Variants in SNX14 observed in about 807,000 individuals in gnomAD.
SNX14 encodes sorting nexin-14.
A neutral mutation model predicts 133.8 loss-of-function variants in SNX14; 93 were observed. The observed-to-expected ratio is 0.70, with a 90% CI of 0.59 to 0.83. The LOEUF is 0.83. SNX14 is among the 40% of genes least tolerant of loss of function. The pLI is 0.00. For synonymous variants in SNX14, 368 were observed against 365.6 expected (o/e 1.01, Z -0.07); for missense variants, 945 against 1,094.9 (o/e 0.86, Z 1.93).
intron 16 of SNX14, among the ~76,000 whole-genome samples, chr6:85,537,251 T>C (rs1782253822): frequency 6.6e-6 from 1 of 152,178 alleles, no homozygotes; most frequent in East Asian, 1.9e-4. Context: ...TGGAATATAG[T>C]TCTTATTGCA....
chr6:85,551,513 T>C lies in SNX14; in HGVS notation c.635-1634A>G, dbSNP rs117212852. Among the ~76,000 whole-genome samples the C allele has an allele frequency of 4.8e-3, 736 of 152,330 alleles. 1 individual carries two copies. The highest frequency in any genetic ancestry group is 8.0e-3 in the Non-Finnish European group (547 of 68,018). ...CTGTATCAACCAATCAGAACTCAGC[T>C]GCACTGACCAATCAGATTTTAATCC... On this transcript the variant is annotated intron_variant, in intron 7 of 28. Coordinates refer to ENST00000314673, the MANE Select transcript of SNX14 (RefSeq NM_153816.6).
chr6:85,510,374 T>A (rs931503166), intron 26 of SNX14, among the ~76,000 whole-genome samples: 3 of 152,248 alleles, frequency 2.0e-5, no homozygotes, highest in African/African-American at 7.2e-5. Flanking sequence ...ATTTCCTTGA[T>A]GACATATGAT....
At chr6:85,522,336 C>G (rs1156365755) in intron 21 of SNX14, among the ~76,000 whole-genome samples, 1 of 152,154 alleles carries the variant, frequency 6.6e-6, no homozygotes, top group Non-Finnish European at 1.5e-5. Flanking sequence ...CCTTGTTCTT[C>G]TTCTAAAGTG....
chr6:85,522,774 C>T (rs773161268), intron 21 of SNX14, among the ~76,000 whole-genome samples: 14 of 152,166 alleles, frequency 9.2e-5, no homozygotes, highest in Non-Finnish European at 1.9e-4. Context: ...ATGACACATT[C>T]GGCCATAACT....
At chr6:85,580,357 T>C (rs1798655849) in intron 1 of SNX14, among the ~76,000 whole-genome samples, 1 of 152,158 alleles carries the variant, frequency 6.6e-6, no homozygotes, top group Admixed American at 6.5e-5. Context: ...ATTCACACAG[T>C]AGGTCTTGGG....
In SNX14 at chr6:85,547,124, A is replaced by C. The variant is rs1316182876; in HGVS notation, c.1096T>G (p.Cys366Gly). Residue 366 changes from cysteine to glycine, a missense_variant, in exon 12 of 29, where the codon TGT (cysteine) becomes GGT (glycine). Cys to Gly is a radical substitution (Grantham distance 159). This residue lies in a region of SNX14 where 514 missense variants were observed against 538.8 expected (regional missense o/e 0.95). Transcript: ENST00000314673. The stretch of plus-strand genomic sequence containing the variant: ...AGGTAAGCCTCACCCACAGTCAAAC[A>C]AAACTGCAACACGTGCACTGCGCCT... Reference protein sequence around the residue: ...QEGAVHVLQFCLTVEEFNDRI... With the variant: ...QEGAVHVLQFGLTVEEFNDRI... 6.2e-7 allele frequency: 1 copy of C among 1,613,308 alleles called. No homozygotes were observed. The highest frequency in any genetic ancestry group is 1.7e-5 in the Admixed American group (1 of 59,786).
chr6:85,574,306 A>G lies in SNX14; in HGVS notation c.213T>C (p.Pro71=). 1 of 1,596,202 alleles carries G rather than the reference A, an allele frequency of 6.3e-7. No homozygotes were observed. The highest frequency in any genetic ancestry group is 1.3e-5 in the African/African-American group (1 of 74,748). Residue 71 remains proline, a synonymous_variant, in exon 2 of 29, where the codon CCT becomes CCC. Transcript: ENST00000314673. ...GVVTFYCSLG[P]DSLLPNIFFT... ...AGAATATATTTGGTAAGAGAGAATCAGGTCCTAGTGAGCAGTAGAATGTGA... is the reference window on the plus strand; with the variant it reads ...AGAATATATTTGGTAAGAGAGAATCGGGTCCTAGTGAGCAGTAGAATGTGA...
chr6:85,543,469 TAAAGC>T, intron 13 of SNX14, 131 bp downstream of exon 13: 1 of 1,072,638 alleles, frequency 9.3e-7, no homozygotes, highest in African/African-American at 1.6e-5. Context: ...GTTTTTTCTT[TAAAGC>T]TTTCATCTCA....
At chr6:85,517,963 TTTATGA>T in intron 22 of SNX14, 39 bp downstream of exon 22, 1 of 1,580,466 alleles carries the variant, frequency 6.3e-7, no homozygotes, top group South Asian at 1.2e-5. Context: ...TTTAAATATG[TTTATGA>T]TTATCATGTT....
chr6:85,554,425 C>G (rs557072157), intron 7 of SNX14, among the ~76,000 whole-genome samples: 9 of 152,042 alleles, frequency 5.9e-5, no homozygotes, highest in Non-Finnish European at 1.3e-4. Flanking sequence ...AATGCCAAGA[C>G]AGTAAAGACA....
intron 12 of SNX14, among the ~76,000 whole-genome samples, chr6:85,546,517 G>A (rs1252590678): frequency 6.6e-6 from 1 of 151,890 alleles, no homozygotes; most frequent in Non-Finnish European, 1.5e-5. Context: ...ATTGACATGG[G>A]CTACAGTTTG....
At chr6:85,562,471 T>C (rs1388094504) in intron 6 of SNX14, among the ~76,000 whole-genome samples, 1 of 152,140 alleles carries the variant, frequency 6.6e-6, no homozygotes, top group Admixed American at 6.5e-5. Context: ...ATTCTGTAAT[T>C]AGGATGTATT....
chr6:85,571,379 C>T (rs1252665175), intron 4 of SNX14, among the ~76,000 whole-genome samples: 1 of 149,230 alleles, frequency 6.7e-6, no homozygotes, highest in East Asian at 1.9e-4. Flanking sequence ...AAAAAAAGGC[C>T]TTAGAGAGGC....
chr6:85,543,837 T>C (rs1023723113), intron 12 of SNX14, 77 bp from the exon 13 acceptor site: 2 of 848,724 alleles, frequency 2.4e-6, no homozygotes, highest in African/African-American at 1.8e-5. Flanking sequence ...CCCATTCTAA[T>C]TGTAGCCAAT....
At position 85,514,432 on chromosome 6, in the gene SNX14, A is replaced by G. The variant is rs906141937; in HGVS notation, c.2392+74T>C. The G allele has an allele frequency of 1.2e-5, 18 of 1,552,742 alleles. No homozygotes were observed. The African/African-American group carries it at 2.2e-4, about 19-fold the overall frequency. On this transcript the variant is annotated intron_variant, in intron 24 of 28. Coordinates refer to ENST00000314673, the MANE Select transcript of SNX14 (RefSeq NM_153816.6). Reference sequence around the variant, plus strand: ...AAAAAGACAGTTATGATGGGGCAATACTCAAGATCATTATTTGCATCACAG... The same window carrying G: ...AAAAAGACAGTTATGATGGGGCAATGCTCAAGATCATTATTTGCATCACAG...
chr6:85,506,182 C>T (rs1770578953), intron 28 of SNX14, among the ~76,000 whole-genome samples, 177 bp from the exon 29 acceptor site: 2 of 152,084 alleles, frequency 1.3e-5, no homozygotes, highest in African/African-American at 4.8e-5. Context: ...AAAAAGGCAA[C>T]GTTTAATGAC....
intron 18 of SNX14, among the ~76,000 whole-genome samples, chr6:85,531,397 G>T (rs1405927626): frequency 6.6e-6 from 1 of 152,198 alleles, no homozygotes; most frequent in Non-Finnish European, 1.5e-5. Flanking sequence ...AACTGTTATT[G>T]TTAACATCTA....
chr6:85,538,583 C>T (rs1333756854), intron 16 of SNX14, among the ~76,000 whole-genome samples: 6 of 151,982 alleles, frequency 3.9e-5, no homozygotes, highest in Non-Finnish European at 8.8e-5. Context: ...AAGATACTGA[C>T]AAATTAAACA....
chr6:85,588,960 T>C (rs1466835324), intron 1 of SNX14: 3 of 453,862 alleles, frequency 6.6e-6, no homozygotes, highest in Non-Finnish European at 1.3e-5. Flanking sequence ...TCTGAGGAAT[T>C]GCAGGGGTGA....
Sources: gnomAD v4.1 joint callset for allele counts (sites outside exome capture counted in the v4.1 genomes callset) on GRCh38, gnomAD v4.1.1 for gene constraint, gnomAD v4.1.1 regional missense constraint, MANE v1.5 for transcripts, NCBI Gene and HGNC (gene_info 2026-07-23, HGNC 2026-07-21) for gene names.